The following TBC1D1 variants were observed in gnomAD, a reference collection of about 807,000 sequenced individuals.
TBC1D1 encodes TBC1 (tre-2/USP6, BUB2, cdc16) domain family, member 1.
A neutral mutation model predicts 125.6 loss-of-function variants in TBC1D1; 89 were observed. That is an observed-to-expected ratio of 0.71 (90% confidence interval 0.60 to 0.85). The LOEUF is 0.85. Ranked by LOEUF, TBC1D1 falls within the 40% of genes least tolerant of loss-of-function variation. The probability of loss-of-function intolerance (pLI) is 0.00; values close to 1 mark genes in which losing one functional copy is unlikely to be tolerated. For synonymous variants in TBC1D1, 565 were observed against 564.1 expected (o/e 1.00, Z -0.02); for missense variants, 1,377 against 1,469.2 (o/e 0.94, Z 1.03).
At chr4:38,019,198 A>C (rs1178042453) in intron 4 of TBC1D1, among the ~76,000 whole-genome samples, 1 of 151,992 alleles carries the variant, frequency 6.6e-6, no homozygotes, top group East Asian at 1.9e-4. Context: ...TGGATTTTTC[A>C]TTTTCATAAT....
At chr4:37,967,323 C>T (rs905961450) in intron 2 of TBC1D1, among the ~76,000 whole-genome samples, 1 of 151,906 alleles carries the variant, frequency 6.6e-6, no homozygotes, top group Non-Finnish European at 1.5e-5. Flanking sequence ...GGTGAAACCC[C>T]GTCTCTACTA....
At chr4:38,114,042 T>TAC (rs60869418) in intron 15 of TBC1D1, among the ~76,000 whole-genome samples, 19,961 of 144,054 alleles carry the variant, frequency 0.14, 1,880 homozygotes, top group African/African-American at 0.26. Flanking sequence ...CCCATTGTTC[T>TAC]ACACACACAC....
At chr4:37,910,233 C>T (rs1718295553) in intron 2 of TBC1D1, among the ~76,000 whole-genome samples, 1 of 152,008 alleles carries the variant, frequency 6.6e-6, no homozygotes, top group Non-Finnish European at 1.5e-5. Flanking sequence ...GTGTCTTGCA[C>T]CTAAAGTTGA....
intron 2 of TBC1D1, among the ~76,000 whole-genome samples, chr4:37,980,613 G>A (rs1004986010): frequency 6.6e-6 from 1 of 152,180 alleles, no homozygotes; most frequent in South Asian, 2.1e-4. Flanking sequence ...ATATACATAT[G>A]TCAGTTTATG....
chr4:38,109,774 C>G (rs1761933397), intron 15 of TBC1D1, among the ~76,000 whole-genome samples: 1 of 152,214 alleles, frequency 6.6e-6, no homozygotes, highest in Non-Finnish European at 1.5e-5. Flanking sequence ...AAGACTGATA[C>G]TGGGCAACTG....
At chr4:37,947,555 G>T (rs1286937123) in intron 2 of TBC1D1, among the ~76,000 whole-genome samples, 1 of 152,026 alleles carries the variant, frequency 6.6e-6, no homozygotes, top group African/African-American at 2.4e-5. Flanking sequence ...CGACCTCCTG[G>T]GCTCAAGCAA....
At chr4:38,037,228 A>G (rs1747387339) in intron 8 of TBC1D1, among the ~76,000 whole-genome samples, 1 of 151,798 alleles carries the variant, frequency 6.6e-6, no homozygotes, top group South Asian at 2.1e-4. Context: ...CCAGCATAAT[A>G]TTTTTATGAT....
intron 2 of TBC1D1, among the ~76,000 whole-genome samples, chr4:37,940,576 GA>G (rs1459639840): frequency 6.6e-6 from 1 of 152,184 alleles, no homozygotes; most frequent in Non-Finnish European, 1.5e-5. Flanking sequence ...CAAGAGTGGT[GA>G]GAGAGGGCAT....
intron 1 of TBC1D1, among the ~76,000 whole-genome samples, chr4:37,900,480 T>A (rs181202827): frequency 6.6e-6 from 1 of 152,082 alleles, no homozygotes; most frequent in Non-Finnish European, 1.5e-5. Flanking sequence ...TCAGTTATTC[T>A]TTTAAAATAC....
At chr4:37,912,719 C>T (rs987061385) in intron 2 of TBC1D1, among the ~76,000 whole-genome samples, 1 of 152,174 alleles carries the variant, frequency 6.6e-6, no homozygotes, top group Non-Finnish European at 1.5e-5. Context: ...GCCCTGCTTC[C>T]TTCTTCTACT....
chr4:38,051,804 A>G, intron 11 of TBC1D1, 95 bp from the exon 12 acceptor site: 1 of 1,248,272 alleles, frequency 8.0e-7, no homozygotes, highest in African/African-American at 1.5e-5. Context: ...ACAACGAGAC[A>G]AAAGCGGTGT....
At chr4:37,935,689 T>A (rs1218429218) in intron 2 of TBC1D1, among the ~76,000 whole-genome samples, 9 of 152,192 alleles carry the variant, frequency 5.9e-5, no homozygotes, top group Admixed American at 5.9e-4. Flanking sequence ...TACACCTTTC[T>A]GCTGTCTCCC....
At chr4:37,956,811 C>T (rs949557943) in intron 2 of TBC1D1, among the ~76,000 whole-genome samples, 4 of 151,982 alleles carry the variant, frequency 2.6e-5, no homozygotes, top group Non-Finnish European at 2.9e-5. Flanking sequence ...TGGTGGAGCA[C>T]ACCTGTAGTC....
intron 2 of TBC1D1, among the ~76,000 whole-genome samples, chr4:37,961,679 G>T (rs894712160): frequency 2.0e-5 from 3 of 152,146 alleles, no homozygotes; most frequent in African/African-American, 7.2e-5. Flanking sequence ...GCCAGGAGCT[G>T]CTATTCATTA....
chr4:37,912,250 G>A (rs1307045314), intron 2 of TBC1D1, among the ~76,000 whole-genome samples: 1 of 152,208 alleles, frequency 6.6e-6, no homozygotes, highest in Non-Finnish European at 1.5e-5. Flanking sequence ...CAGGGTAAAT[G>A]TAATTTATTT....
chr4:38,015,884 G>A (rs1742609758), intron 3 of TBC1D1, among the ~76,000 whole-genome samples: 1 of 152,244 alleles, frequency 6.6e-6, no homozygotes, highest in South Asian at 2.1e-4. Context: ...GGTAAATAGG[G>A]CTGATGTTTT....
chr4:38,063,194 A>G (rs1034427923), intron 12 of TBC1D1, among the ~76,000 whole-genome samples: 1 of 152,236 alleles, frequency 6.6e-6, no homozygotes, highest in Non-Finnish European at 1.5e-5. Context: ...GTGGACATAC[A>G]TGAACATGAG....
At chr4:38,038,005 A>G (rs1276414792) in intron 8 of TBC1D1, among the ~76,000 whole-genome samples, 4 of 152,210 alleles carry the variant, frequency 2.6e-5, no homozygotes, top group East Asian at 1.9e-4. Context: ...CACTTACTGA[A>G]TGTTTGCCAA....
At chr4:37,983,327 A>G (rs947843036) in intron 2 of TBC1D1, among the ~76,000 whole-genome samples, 2 of 151,564 alleles carry the variant, frequency 1.3e-5, no homozygotes, top group Non-Finnish European at 2.9e-5. Flanking sequence ...GTTGGCCAGG[A>G]TGGTCTCGAT....
Sources: allele counts gnomAD v4.1 joint callset (sites outside exome capture counted in the v4.1 genomes callset), GRCh38; gene constraint gnomAD v4.1.1; transcripts MANE v1.5; gene names NCBI Gene and HGNC (gene_info 2026-07-23, HGNC 2026-07-21).